The following AHI1 variants were observed in gnomAD, a reference collection of about 807,000 sequenced individuals.
AHI1 encodes Abelson helper integration site 1, also known as jouberin.
In AHI1, 123 loss-of-function variants were observed where a neutral mutation model predicts 149.3. That is an observed-to-expected ratio of 0.82 (90% CI 0.71 to 0.96). The LOEUF (loss-of-function observed/expected upper bound fraction) is 0.96, where lower values mean the gene tolerates loss of function less well. Ranked by LOEUF, AHI1 falls within the 40% of genes least tolerant of loss-of-function variation. AHI1 has a pLI of 0.00. For missense variants in AHI1, 1,439 were observed against 1,422.7 expected (o/e 1.01, Z -0.18); for synonymous variants, 475 against 459.8 (o/e 1.03, Z -0.42).
At chr6:135,494,308 C>T (rs1795672059) in intron 3 of AHI1, among the ~76,000 whole-genome samples, 1 of 152,162 alleles carries the variant, frequency 6.6e-6, no homozygotes. Context: ...ACAGAAGAAG[C>T]AACAATAAAT....
chr6:135,399,777 G>C (rs1214654110), intron 22 of AHI1, among the ~76,000 whole-genome samples: 1 of 151,096 alleles, frequency 6.6e-6, no homozygotes, highest in African/African-American at 2.4e-5. Context: ...CCACCTACTT[G>C]CCAAGGCCAG....
chr6:135,407,751 G>A (rs933601610), intron 21 of AHI1, among the ~76,000 whole-genome samples: 3 of 152,122 alleles, frequency 2.0e-5, no homozygotes, highest in Non-Finnish European at 4.4e-5. Flanking sequence ...AGTGGCTCAT[G>A]CCTGTAATCC....
intron 27 of AHI1, 43 bp downstream of exon 27, chr6:135,300,457 C>A: frequency 6.6e-7 from 1 of 1,517,264 alleles, no homozygotes; most frequent in South Asian, 1.4e-5. Context: ...AAAGAAAACC[C>A]CAACCATTTA....
chr6:135,394,330 C>A (rs56031931), intron 23 of AHI1, among the ~76,000 whole-genome samples: 1 of 151,892 alleles, frequency 6.6e-6, no homozygotes, highest in African/African-American at 2.4e-5. Flanking sequence ...ATGTAACAAG[C>A]TTTTTTGCAT....
intron 24 of AHI1, among the ~76,000 whole-genome samples, chr6:135,326,697 A>T (rs1218634702): frequency 1.3e-5 from 2 of 151,978 alleles, no homozygotes; most frequent in Admixed American, 6.6e-5. Flanking sequence ...AGTAGCTGGG[A>T]TTACAGGCAC....
Position 135,353,093 on chromosome 6 carries a change from T to C in AHI1, c.3165+5039A>G, listed in dbSNP as rs1792413919. 3.3e-5 allele frequency among the ~76,000 whole-genome samples: 5 copies of C among 152,016 alleles called. No individual in the cohort carries two copies. The South Asian group carries it at 1.0e-3, about 31-fold the overall frequency. On this transcript the variant is annotated intron_variant, in intron 24 of 28. Transcript: ENST00000265602. ...TATGCTAATGGGAAAAAAATCAACA[T>C]AAGCTTCACAATTTACAATGTCTGG...
chr6:135,428,181 A>C (rs1483962044), intron 19 of AHI1, among the ~76,000 whole-genome samples: 1 of 151,650 alleles, frequency 6.6e-6, no homozygotes, highest in African/African-American at 2.4e-5. Context: ...ACTGAACTGC[A>C]GTATTTCAGG....
chr6:135,470,434 T>C (rs1017533500), intron 5 of AHI1, among the ~76,000 whole-genome samples: 3 of 152,158 alleles, frequency 2.0e-5, no homozygotes, highest in Admixed American at 6.5e-5. Flanking sequence ...AGAACCAGAA[T>C]TGCTATTTGA....
At chr6:135,468,297 A>C (rs1324275562) in intron 5 of AHI1, among the ~76,000 whole-genome samples, 1 of 152,190 alleles carries the variant, frequency 6.6e-6, no homozygotes, top group African/African-American at 2.4e-5. Flanking sequence ...TAAATAAATA[A>C]GGAAAAAAAC....
chr6:135,301,454 C>T, intron 26 of AHI1: 1 of 985,408 alleles, frequency 1.0e-6, no homozygotes, highest in Non-Finnish European at 1.2e-6. Flanking sequence ...GGTGTTATCT[C>T]TACTGAAGCT....
chr6:135,288,664 A>C (rs1008470067), intron 28 of AHI1, among the ~76,000 whole-genome samples: 1 of 151,998 alleles, frequency 6.6e-6, no homozygotes, highest in Non-Finnish European at 1.5e-5. Flanking sequence ...GAATAACCAT[A>C]TGATATTCTG....
At chr6:135,337,052 C>T (rs571392535) in intron 24 of AHI1, among the ~76,000 whole-genome samples, 17 of 152,256 alleles carry the variant, frequency 1.1e-4, no homozygotes, top group African/African-American at 2.6e-4. Flanking sequence ...TTTTCTCCCA[C>T]GTCTATGCTC....
In AHI1 at chr6:135,416,673, T is replaced by C. The variant is rs142508776; in HGVS notation, c.2765-5129A>G. 5.2e-4 allele frequency among the ~76,000 whole-genome samples: 79 copies of C among 152,190 alleles called. 1 individual carries two copies. Among genetic ancestry groups the C allele is most frequent in the African/African-American group, 1.7e-3 (70 of 41,552 alleles). On this transcript the variant is annotated intron_variant, in intron 20 of 28. Transcript: ENST00000265602. ...AAAGGACGACCACTTTTTCAAGTTA[T>C]AGGCCTTGGTTTCATGAACTATGAG...
chr6:135,337,966 G>A (rs1789658886), intron 24 of AHI1, among the ~76,000 whole-genome samples: 1 of 152,080 alleles, frequency 6.6e-6, no homozygotes, highest in African/African-American at 2.4e-5. Context: ...AAGAAGATAA[G>A]GATATAATAA....
chr6:135,485,377 T>C (rs1794328488), intron 5 of AHI1, among the ~76,000 whole-genome samples: 1 of 152,210 alleles, frequency 6.6e-6, no homozygotes, highest in South Asian at 2.1e-4. Context: ...GCCTGGCCTT[T>C]TGTTTTAAAT....
At chr6:135,376,943 AGTCAAT>A (rs1776035126) in intron 23 of AHI1, among the ~76,000 whole-genome samples, 1 of 147,828 alleles carries the variant, frequency 6.8e-6, no homozygotes, top group Non-Finnish European at 1.5e-5. Context: ...TTGACTCAAA[AGTCAAT>A]GTCATAACAA....
chr6:135,465,188 G>A (rs1031035876), intron 7 of AHI1, among the ~76,000 whole-genome samples: 8 of 151,994 alleles, frequency 5.3e-5, no homozygotes, highest in Admixed American at 5.2e-4. Flanking sequence ...ACTGCAGGGG[G>A]GAACAAAGTT....
chr6:135,340,621 C>T (rs1441648261), intron 24 of AHI1, among the ~76,000 whole-genome samples: 5 of 123,886 alleles, frequency 4.0e-5, no homozygotes, highest in Non-Finnish European at 8.4e-5. Context: ...GGTAACTACA[C>T]AAAATATAAA....
At chr6:135,371,692 A>C (rs576668910) in intron 23 of AHI1, among the ~76,000 whole-genome samples, 1 of 152,294 alleles carries the variant, frequency 6.6e-6, no homozygotes, top group East Asian at 1.9e-4. Flanking sequence ...TTGAAGTCAT[A>C]TAGTTTAGTT....
Sources: allele counts gnomAD v4.1 joint callset (sites outside exome capture counted in the v4.1 genomes callset), GRCh38; gene constraint gnomAD v4.1.1; transcripts MANE v1.5; gene names NCBI Gene and HGNC (gene_info 2026-07-23, HGNC 2026-07-21).